Variants in HS1BP3 observed in about 807,000 individuals in gnomAD.
HS1BP3 encodes the protein HCLS1 binding protein 3, also known as HCLS1-binding protein 3.
In HS1BP3, 32 loss-of-function variants were observed where a neutral mutation model predicts 33.5. The ratio of observed to expected loss-of-function variants is 0.95; its 90% CI spans 0.72 to 1.28. HS1BP3 has a LOEUF of 1.28. Among genes scored for constraint, HS1BP3 ranks in the 50% most tolerant of loss-of-function variants. The probability of loss-of-function intolerance (pLI) is 0.00; values close to 1 mark genes in which losing one functional copy is unlikely to be tolerated. For synonymous variants in HS1BP3, 187 were observed against 209.2 expected, an observed-to-expected ratio of 0.89 and a Z score of 0.92; for missense variants, 486 against 502.3, an observed-to-expected ratio of 0.97 and a Z score of 0.31.
intron 2 of HS1BP3, among the ~76,000 whole-genome samples, chr2:20,603,757 C>T (rs1694116778): frequency 6.6e-6 from 1 of 152,224 alleles, no homozygotes; most frequent in Admixed American, 6.5e-5. Context: ...CTCAATGAAG[C>T]CGTTTTAAAA....
Position 20,594,367 on chromosome 2 carries a change from G to A in HS1BP3, c.*13-1573C>T, listed in dbSNP as rs531836003. ...TGGAGGAGGTGAATGGGTCTGAAAT[G>A]AGTGGCTGATGGCATCACAAATCCT... is the stretch of plus-strand genomic sequence containing the variant. On this transcript the variant is annotated intron_variant, in intron 3 of 3. Coordinates refer to the HS1BP3 transcript ENST00000415264. Among the ~76,000 whole-genome samples, 2 of 152,338 alleles carry A rather than the reference G, an allele frequency of 1.3e-5. 1 individual carries two copies. Among genetic ancestry groups the A allele is most frequent in the South Asian group, 4.1e-4 (2 of 4,830 alleles).
chr2:20,560,225 G>A (rs1435130740), downstream of HS1BP3, among the ~76,000 whole-genome samples: 2 of 152,336 alleles, frequency 1.3e-5, no homozygotes. Flanking sequence ...GCTGGTAGAA[G>A]GTACATGTCC....
chr2:20,597,900 G>A (rs1442254562), intron 3 of HS1BP3, among the ~76,000 whole-genome samples: 5 of 152,124 alleles, frequency 3.3e-5, no homozygotes, highest in Non-Finnish European at 5.9e-5. Flanking sequence ...AGAGGGCCTG[G>A]CAGGGGAGCC....
chr2:20,570,735 T>C (rs7589179), intron 5 of HS1BP3, among the ~76,000 whole-genome samples: 144,844 of 152,268 alleles, frequency 0.95, 69,299 homozygotes, highest in East Asian at 1. Context: ...GGAGAAGAAA[T>C]GGTGTCTCAG....
chr2:20,633,625 C>T (rs541898706), intron 4 of HS1BP3, among the ~76,000 whole-genome samples: 5 of 152,260 alleles, frequency 3.3e-5, no homozygotes, highest in African/African-American at 7.2e-5. Context: ...CAGGTTCAAG[C>T]GATTCTCCTG....
At chr2:20,647,184 C>A (rs1037694845) in intron 1 of HS1BP3, among the ~76,000 whole-genome samples, 1 of 152,144 alleles carries the variant, frequency 6.6e-6, no homozygotes, top group Non-Finnish European at 1.5e-5. Flanking sequence ...CCTCACAGCA[C>A]CCCACATCCA....
chr2:20,604,361 A>G (rs532036410), intron 2 of HS1BP3, among the ~76,000 whole-genome samples: 2 of 152,184 alleles, frequency 1.3e-5, no homozygotes, highest in Non-Finnish European at 2.9e-5. Flanking sequence ...CCTGCTTTTA[A>G]AGACTGCCCC....
intron 6 of HS1BP3, among the ~76,000 whole-genome samples, chr2:20,620,689 G>A (rs1390468028): frequency 6.6e-6 from 1 of 152,238 alleles, no homozygotes; most frequent in Non-Finnish European, 1.5e-5. Context: ...TATAAAGTGG[G>A]ATTGTACTTG....
intron 3 of HS1BP3, among the ~76,000 whole-genome samples, chr2:20,594,781 G>C (rs1159267323): frequency 2.0e-5 from 3 of 152,220 alleles, no homozygotes; most frequent in Non-Finnish European, 4.4e-5. Flanking sequence ...GGTGTCAGCA[G>C]CTTCGGTGTC....
intron 6 of HS1BP3, among the ~76,000 whole-genome samples, chr2:20,620,026 C>A (rs62125677): frequency 6.6e-6 from 1 of 152,166 alleles, no homozygotes; most frequent in Admixed American, 6.5e-5. Flanking sequence ...GGCAGTGTTA[C>A]GGTCACTCAG....
chr2:20,584,195 G>T (rs1194474358), intron 5 of HS1BP3, among the ~76,000 whole-genome samples: 1 of 152,210 alleles, frequency 6.6e-6, no homozygotes, highest in Non-Finnish European at 1.5e-5. Flanking sequence ...ACCCTTCCTG[G>T]TGCTGCTTCT....
At chr2:20,598,472 C>T (rs543109060) in intron 2 of HS1BP3, among the ~76,000 whole-genome samples, 261 of 150,156 alleles carry the variant, frequency 1.7e-3, no homozygotes, top group African/African-American at 6.1e-3. Flanking sequence ...ACAGATGAAG[C>T]TTTACTGGCC....
intron 2 of HS1BP3, among the ~76,000 whole-genome samples, chr2:20,600,588 G>A (rs1694051611): frequency 6.6e-6 from 1 of 152,116 alleles, no homozygotes; most frequent in South Asian, 2.1e-4. Flanking sequence ...AAAATAGCAC[G>A]GATTGTGGAC....
chr2:20,649,811 C>G (rs1394193197), intron 1 of HS1BP3, among the ~76,000 whole-genome samples: 1 of 152,198 alleles, frequency 6.6e-6, no homozygotes, highest in Non-Finnish European at 1.5e-5. Flanking sequence ...GCCTTACCAC[C>G]GCCAGCGCCC....
intron 2 of HS1BP3, among the ~76,000 whole-genome samples, chr2:20,598,850 G>A (rs565172561): frequency 3.2e-4 from 48 of 152,268 alleles, no homozygotes; most frequent in African/African-American, 1.1e-3. Context: ...GAGCCACCGC[G>A]CCCGGCCGGT....
chr2:20,558,696 C>A (rs1692900115), downstream of HS1BP3, among the ~76,000 whole-genome samples: 1 of 152,162 alleles, frequency 6.6e-6, no homozygotes, highest in Non-Finnish European at 1.5e-5. Flanking sequence ...GGAGACTTGG[C>A]TGATTTCCAG....
chr2:20,572,755 C>A (rs1693305630), intron 5 of HS1BP3, among the ~76,000 whole-genome samples: 1 of 152,190 alleles, frequency 6.6e-6, no homozygotes, highest in Non-Finnish European at 1.5e-5. Context: ...GGATCAGCTC[C>A]CAGCCTGTCC....
At chr2:20,609,133 T>C (rs1036090596) in intron 2 of HS1BP3, among the ~76,000 whole-genome samples, 9 of 152,164 alleles carry the variant, frequency 5.9e-5, no homozygotes, top group African/African-American at 1.9e-4. Context: ...GCTCTGTGGC[T>C]CTCCACCCAT....
At chr2:20,638,332 AC>A in intron 4 of HS1BP3, 103 bp downstream of exon 4, 2 of 1,169,038 alleles carry the variant, frequency 1.7e-6, no homozygotes, top group Non-Finnish European at 2.4e-6. Flanking sequence ...CGAGGGGGCG[AC>A]CTGGGATGCT....
Sources: allele counts gnomAD v4.1 joint callset (sites outside exome capture counted in the v4.1 genomes callset), GRCh38; gene constraint gnomAD v4.1.1; transcripts MANE v1.5; gene names NCBI Gene and HGNC (gene_info 2026-07-23, HGNC 2026-07-21).